Variants in ANGPTL3 observed in about 807,000 individuals in gnomAD.
ANGPTL3 encodes angiopoietin-related protein 3.
In ANGPTL3, 51 loss-of-function variants were observed where a neutral mutation model predicts 52.7. That is an observed-to-expected ratio of 0.97 (90% confidence interval 0.77 to 1.22). ANGPTL3 has a LOEUF of 1.22. ANGPTL3 is among the 50% of genes most tolerant of loss of function. The pLI, the probability that ANGPTL3 is intolerant of heterozygous loss-of-function variation, is 0.00. For missense variants in ANGPTL3, 506 were observed against 520.7 expected (o/e 0.97, Z 0.27); for synonymous variants, 185 against 179.8 (o/e 1.03, Z -0.23).
chr1:62,604,288 C>T, intron 6 of ANGPTL3, 53 bp downstream of exon 6: 3 of 1,593,926 alleles, frequency 1.9e-6, no homozygotes, highest in East Asian at 2.2e-5. Flanking sequence ...AGTATCTTCC[C>T]ACATTATTAG....
rs1356179821 is a variant in ANGPTL3 at position 62,598,807 on chromosome 1, G to T, written c.606+1G>T. On this transcript the variant is annotated splice_donor_variant, in intron 2 of 6. Transcript: ENST00000371129. LOFTEE classifies it high-confidence loss of function. ...TCAAATAAAAGAAATAGAAAATCAG[G>T]TAAGTCAGTATTTTAATGGTATGTC... is the stretch of plus-strand genomic sequence containing the variant. The T allele has an allele frequency of 6.4e-7, 1 of 1,554,904 alleles. No individual in the cohort carries two copies. Among genetic ancestry groups the T allele is most frequent in the East Asian group, 2.3e-5 (1 of 44,382 alleles).
rs184745503 is a variant in ANGPTL3, at chr1:62,605,099, T to A, written c.*282T>A. The stretch of plus-strand genomic sequence containing the variant: ...TCTAGATTATAATCAATAGGTGAAC[T>A]TATTAAATAACTTTTCTAAATAAAA... On this transcript the variant is annotated 3_prime_UTR_variant, in exon 7 of 7. Transcript: ENST00000371129. The A allele has an allele frequency of 8.7e-4, 236 of 271,728 alleles. 3 individuals carry two copies. The East Asian group carries it at 0.017, about 20-fold the overall frequency. The allele number at this position is 271,728 out of a possible 1,614,324, so 16.8% of individuals were successfully genotyped here. A position where few individuals can be genotyped will look rare whatever the true frequency, so the allele number is the denominator to read the frequency against.
Position 62,597,641 on chromosome 1 carries a change from A to C in ANGPTL3, c.75A>C (p.Ser25=). Residue 25 remains serine, a synonymous_variant, in exon 1 of 7, where the codon TCA becomes TCC. Coordinates refer to ENST00000371129, the MANE Select transcript of ANGPTL3 (RefSeq NM_014495.4). The part of the protein sequence containing the change: ...ISSRIDQDNS[S]FDSLSPEPKS... ...CCAGAATTGATCAAGACAATTCATC[A>C]TTTGATTCTCTATCTCCAGAGCCAA... 6.2e-7 allele frequency: 1 copy of C among 1,613,316 alleles called. No individual in the cohort carries two copies. Among genetic ancestry groups the C allele is most frequent in the Non-Finnish European group, 8.5e-7 (1 of 1,179,546 alleles).
intron 5 of ANGPTL3, 43 bp downstream of exon 5, chr1:62,602,423 CAAA>C: frequency 6.5e-7 from 1 of 1,544,198 alleles, no homozygotes; most frequent in Non-Finnish European, 8.9e-7. Context: ...TGCTAATCTA[CAAA>C]TATTTACTGA....
rs1323602427 is a variant in ANGPTL3, at chr1:62,604,975, T to C, written c.*158T>C. On this transcript the variant is annotated 3_prime_UTR_variant, in exon 7 of 7. Coordinates refer to ENST00000371129, the MANE Select transcript of ANGPTL3 (RefSeq NM_014495.4). ...ATTTAAGATTAAACATACAATCACA[T>C]AACCTTAAAGAATACCGTTTACATT... 2.8e-6 allele frequency: 2 copies of C among 705,122 alleles called. No homozygotes were observed. The highest frequency in any genetic ancestry group is 4.7e-6 in the Non-Finnish European group (2 of 424,810). 43.7% of individuals were successfully genotyped at this position (705,122 alleles called of 1,614,324 possible).
rs1650280814 is a variant in ANGPTL3, at chr1:62,602,396, T to C, written c.931+16T>C. 1 of 1,596,638 alleles carries C rather than the reference T, an allele frequency of 6.3e-7. No individual in the cohort carries two copies. Among genetic ancestry groups the C allele is most frequent in the African/African-American group, 1.3e-5 (1 of 74,498 alleles). On this transcript the variant is annotated intron_variant, in intron 5 of 6. Transcript: ENST00000371129. ...AGGCTTGATGGTAAGGGGACTACAT[T>C]CAATCATTCATTCACTTGCTAATCT...
chr1:62,599,198 A>G (rs1649746043), intron 2 of ANGPTL3, among the ~76,000 whole-genome samples: 1 of 152,070 alleles, frequency 6.6e-6, no homozygotes, highest in Non-Finnish European at 1.5e-5. Flanking sequence ...TTGGCTCTTT[A>G]GACCAAGATT....
rs1650928104 is a variant in ANGPTL3, at chr1:62,605,966, G to A, written c.*1149G>A. The A allele has an allele frequency of 6.6e-6, 1 of 151,708 alleles. No individual in the cohort carries two copies. The highest frequency in any genetic ancestry group is 2.1e-4 in the South Asian group (1 of 4,806). 9.4% of individuals were successfully genotyped at this position (151,708 alleles called of 1,614,324 possible). A position where few individuals can be genotyped will look rare whatever the true frequency, so the allele number is the denominator to read the frequency against. On this transcript the variant is annotated 3_prime_UTR_variant, in exon 7 of 7. Coordinates refer to ENST00000371129, the MANE Select transcript of ANGPTL3 (RefSeq NM_014495.4). ...TTTAAATTAAACCCATTTGTTAAAG[G>A]ATATAGTGCCCAAGTTATATGGTGA...
In ANGPTL3 at chr1:62,597,804, C is replaced by T; in HGVS notation, c.238C>T (p.Gln80Ter). Residue 80 changes from glutamine (Q) to a stop codon, truncating the protein, a stop_gained, in exon 1 of 7, where the codon CAG (glutamine) becomes TAG (stop). Coordinates refer to ENST00000371129, the MANE Select transcript of ANGPTL3 (RefSeq NM_014495.4). LOFTEE classifies it high-confidence loss of function. ...ATTTCAAAAACTCAACATATTTGAT[C>T]AGTCTTTTTATGATCTATCGCTGCA... The part of the protein sequence containing the change: ...DIFQKLNIFD[Q>*]SFYDLSLQTS... 1 of 1,613,464 alleles carries T rather than the reference C, an allele frequency of 6.2e-7. No homozygotes were observed. The highest frequency in any genetic ancestry group is 8.5e-7 in the Non-Finnish European group (1 of 1,179,652).
rs1266117315 is a variant in ANGPTL3 at position 62,598,768 on chromosome 1, A to T, written c.568A>T (p.Asn190Tyr). The change falls in exon 2 of 7, where the codon AAC becomes TAC. Residue 190 changes from asparagine (N) to tyrosine (Y), a missense_variant. Transcript: ENST00000371129. ...QTVEDQYKQL[N>Y]QQHSQIKEIE... ...CGTGGAAGACCAATATAAACAATTA[A>T]ACCAACAGCATAGTCAAATAAAAGA... 6.2e-7 allele frequency: 1 copy of T among 1,609,528 alleles called. No individual in the cohort carries two copies. Among genetic ancestry groups the T allele is most frequent in the African/African-American group, 1.3e-5 (1 of 74,904 alleles).
rs1397777979 is a variant in ANGPTL3, at chr1:62,604,085, T to A, written c.1048T>A (p.Tyr350Asn). The A allele has an allele frequency of 6.2e-7, 1 of 1,613,270 alleles. No individual in the cohort carries two copies. Among genetic ancestry groups the A allele is most frequent in the Non-Finnish European group, 8.5e-7 (1 of 1,179,494 alleles). Reference protein sequence around the residue: ...DNKHYIEYSFYLGNHETNYTL... With the variant: ...DNKHYIEYSFNLGNHETNYTL... ...CAAACATTATATTGAATATTCTTTT[T>A]ACTTGGGAAATCACGAAACCAACTA... The change falls in exon 6 of 7, where the codon TAC (tyrosine) becomes AAC (asparagine). Residue 350 changes from tyrosine to asparagine, a missense_variant. By Grantham distance (143) the Tyr-to-Asn change is moderately radical. Transcript: ENST00000371129.
chr1:62,597,674 A>T lies in ANGPTL3; in HGVS notation c.108A>T (p.Arg36Ser), dbSNP rs1319925385. 1 of 1,613,402 alleles carries T rather than the reference A, an allele frequency of 6.2e-7. No individual in the cohort carries two copies. Among genetic ancestry groups the T allele is most frequent in the Non-Finnish European group, 8.5e-7 (1 of 1,179,698 alleles). Residue 36 changes from arginine to serine, a missense_variant, in exon 1 of 7, where the codon AGA becomes AGT. Coordinates refer to ENST00000371129, the MANE Select transcript of ANGPTL3 (RefSeq NM_014495.4). ...CTCTATCTCCAGAGCCAAAATCAAGATTTGCTATGTTAGACGATGTAAAAA... is the reference window on the plus strand; with the variant it reads ...CTCTATCTCCAGAGCCAAAATCAAGTTTTGCTATGTTAGACGATGTAAAAA... ...FDSLSPEPKS[R>S]FAMLDDVKIL...
Position 62,601,754 on chromosome 1 carries a change from T to C in ANGPTL3, c.722-15T>C, listed in dbSNP as rs1199291612. The C allele has an allele frequency of 2.0e-6, 3 of 1,526,756 alleles. No individual in the cohort carries two copies. The highest frequency in any genetic ancestry group is 2.7e-5 in the African/African-American group (2 of 72,970). The allele number at this position is 1,526,756 out of a possible 1,614,324, so 94.6% of individuals were successfully genotyped here. On this transcript the variant is annotated splice_polypyrimidine_tract_variant and intron_variant, in intron 3 of 6. Coordinates refer to ENST00000371129, the MANE Select transcript of ANGPTL3 (RefSeq NM_014495.4). ...TATTACTAAATCTGATGTAATAACA[T>C]TTTATTGATTCTAGGCATTCCTGCT...
chr1:62,599,330 T>C (rs1031827490), intron 2 of ANGPTL3, among the ~76,000 whole-genome samples: 5 of 152,014 alleles, frequency 3.3e-5, no homozygotes, highest in African/African-American at 1.2e-4. Context: ...TGTTGTTTCC[T>C]CTAACTGGAA....
chr1:62,601,270 C>A, intron 3 of ANGPTL3, 74 bp downstream of exon 3: 2 of 1,053,760 alleles, frequency 1.9e-6, no homozygotes, highest in Non-Finnish European at 2.9e-6. Context: ...TTGTTCTAGA[C>A]TAAAAGATAG....
At position 62,598,059 on chromosome 1, in the gene ANGPTL3, A is replaced by G. The variant is rs550972659; in HGVS notation, c.493A>G (p.Lys165Glu). ...AGAACACCCAGAAGTAACTTCACTT[A>G]AAGTAAGTAGAAAATAAAGAGGGTT... ...TPEHPEVTSL[K>E]TFVEKQDNSI... Residue 165 changes from lysine to glutamate, a missense_variant and splice_region_variant, in exon 1 of 7, where the codon AAA becomes GAA. Coordinates refer to ENST00000371129, the MANE Select transcript of ANGPTL3 (RefSeq NM_014495.4). 2 of 1,580,958 alleles carry G rather than the reference A, an allele frequency of 1.3e-6. No individual in the cohort carries two copies. The highest frequency in any genetic ancestry group is 2.3e-5 in the East Asian group (1 of 44,232).
intron 3 of ANGPTL3, 28 bp downstream of exon 3, chr1:62,601,224 T>C: frequency 7.0e-7 from 1 of 1,420,584 alleles, no homozygotes. Context: ...GTTTCCTTCT[T>C]GAAGCTATTA....
chr1:62,602,454 G>A, intron 5 of ANGPTL3, 74 bp downstream of exon 5: 1 of 1,328,872 alleles, frequency 7.5e-7, no homozygotes, highest in Non-Finnish European at 1.1e-6. Flanking sequence ...TTATGGACCA[G>A]GTATTAGGAA....
intron 5 of ANGPTL3, among the ~76,000 whole-genome samples, chr1:62,603,636 T>C (rs1440448010): frequency 6.6e-6 from 1 of 151,870 alleles, no homozygotes; most frequent in African/African-American, 2.4e-5. Context: ...AGTTTATCCA[T>C]ATAAAGACTT....
Sources: gnomAD v4.1 joint callset for allele counts (sites outside exome capture counted in the v4.1 genomes callset) on GRCh38, gnomAD v4.1.1 for gene constraint, MANE v1.5 for transcripts, NCBI Gene and HGNC (gene_info 2026-07-23, HGNC 2026-07-21) for gene names.